ERCC6L2: variants seen among roughly 807,000 people sequenced by gnomAD.
The protein encoded by ERCC6L2 is ERCC excision repair 6 like 2.
In ERCC6L2, 77 loss-of-function variants were observed where a neutral mutation model predicts 132.0. The ratio of observed to expected loss-of-function variants is 0.58; its 90% CI spans 0.49 to 0.71. The LOEUF (loss-of-function observed/expected upper bound fraction) is 0.71, where lower values mean the gene tolerates loss of function less well. Among genes scored for constraint, ERCC6L2 ranks in the 30% least tolerant of loss-of-function variants. ERCC6L2 has a pLI of 0.00. For synonymous variants in ERCC6L2, 583 were observed against 632.4 expected (o/e 0.92, Z 1.17); for missense variants, 1,542 against 1,837.6 (o/e 0.84, Z 2.94).
intron 1 of ERCC6L2, among the ~76,000 whole-genome samples, chr9:95,879,001 G>GT (rs1297489610): frequency 6.6e-6 from 1 of 151,940 alleles, no homozygotes; most frequent in Non-Finnish European, 1.5e-5. Flanking sequence ...ATGATTTATA[G>GT]TCCTTTGGGT....
Position 95,941,480 on chromosome 9 carries a change from T to A in ERCC6L2, c.1778T>A (p.Val593Asp). The A allele has an allele frequency of 3.7e-6, 6 of 1,613,210 alleles. No individual in the cohort carries two copies. Among genetic ancestry groups the A allele is most frequent in the Non-Finnish European group, 5.1e-6 (6 of 1,179,572 alleles). Residue 593 changes from valine (V) to aspartate (D), a missense_variant, in exon 12 of 19, where the codon GTC becomes GAC. This residue lies in a region of ERCC6L2 where 945 missense variants were observed against 1,105.2 expected (regional missense o/e 0.86). Transcript: ENST00000653738. Reference protein sequence around the residue: ...TMAGGLGLNFVGANVVVLFDP... With the variant: ...TMAGGLGLNFDGANVVVLFDP... ...GCTGGTGGACTAGGCCTCAATTTTG[T>A]CGGTGCCAATGTTGTTGTATTATTT...
intron 1 of ERCC6L2, 136 bp downstream of exon 1, chr9:95,876,220 TCCA>T: frequency 1.3e-6 from 1 of 745,652 alleles, no homozygotes; most frequent in South Asian, 2.0e-5. Flanking sequence ...TGTGAACCCC[TCCA>T]GGCCTGGAAC....
At chr9:95,924,997 C>T (rs1294769369) in intron 9 of ERCC6L2, among the ~76,000 whole-genome samples, 2 of 152,186 alleles carry the variant, frequency 1.3e-5, no homozygotes, top group Admixed American at 1.3e-4. Context: ...TGCAGACTTA[C>T]AGGCTTATCA....
At chr9:95,996,065 G>A (rs1161455294) in intron 17 of ERCC6L2, among the ~76,000 whole-genome samples, 5 of 152,218 alleles carry the variant, frequency 3.3e-5, no homozygotes, top group African/African-American at 1.2e-4. Context: ...AAAATAGGCT[G>A]AAAACTAGGC....
intron 17 of ERCC6L2, among the ~76,000 whole-genome samples, chr9:95,985,880 A>C (rs1334533461): frequency 2.6e-5 from 4 of 152,224 alleles, no homozygotes; most frequent in African/African-American, 7.2e-5. Context: ...GATTCTATTT[A>C]TATTCTGTTA....
At chr9:95,896,942 A>T (rs1456497335) in intron 2 of ERCC6L2, among the ~76,000 whole-genome samples, 2 of 152,128 alleles carry the variant, frequency 1.3e-5, no homozygotes, top group African/African-American at 4.8e-5. Context: ...ATACTTCTGT[A>T]TCATTTCTTT....
At chr9:95,966,460 C>A in intron 13 of ERCC6L2, 102 bp from the exon 14 acceptor site, 2 of 1,101,658 alleles carry the variant, frequency 1.8e-6, no homozygotes, top group Non-Finnish European at 2.4e-6. Context: ...GGAGATTCTG[C>A]CTGCTCCAGC....
rs370932051 is a variant in ERCC6L2, at chr9:96,012,273, C to A, written c.3723C>A (p.Asn1241Lys). The change falls in exon 19 of 19, where the codon AAC becomes AAA. Residue 1241 changes from asparagine to lysine, a missense_variant. This residue lies in a region of ERCC6L2 where 442 missense variants were observed against 583.4 expected (regional missense o/e 0.76). Coordinates refer to ENST00000653738, the MANE Select transcript of ERCC6L2 (RefSeq NM_020207.7). ...MASYFNSSSV[N>K]EFAKHITNAT... is the part of the protein sequence containing the mutation. ...CTTATTTTAACTCGTCTTCTGTAAACGAATTTGCTAAACATATAACCAATG... is the reference window on the plus strand; with the variant it reads ...CTTATTTTAACTCGTCTTCTGTAAAAGAATTTGCTAAACATATAACCAATG... The A allele has an allele frequency of 2.3e-6, 3 of 1,306,170 alleles. No homozygotes were observed. The African/African-American group carries it at 4.6e-5, about 20-fold the overall frequency. 80.9% of individuals were successfully genotyped at this position (1,306,170 alleles called of 1,614,324 possible).
At chr9:95,985,095 C>T (rs1833046901) in intron 17 of ERCC6L2, among the ~76,000 whole-genome samples, 1 of 152,196 alleles carries the variant, frequency 6.6e-6, no homozygotes, top group Admixed American at 6.5e-5. Flanking sequence ...CACAAAGCCT[C>T]AGTCTTCAGG....
intron 1 of ERCC6L2, 70 bp downstream of exon 1, chr9:95,876,154 G>A: frequency 6.9e-7 from 1 of 1,449,564 alleles, no homozygotes; most frequent in Non-Finnish European, 9.4e-7. Context: ...GTTCTTGCCG[G>A]TGCCCTTCGG....
chr9:95,919,947 G>A (rs62562967), intron 6 of ERCC6L2, among the ~76,000 whole-genome samples: 14,593 of 152,192 alleles, frequency 0.096, 799 homozygotes, highest in Admixed American at 0.14. Flanking sequence ...GGAACAAGAC[G>A]CAGAAAAAGC....
chr9:95,903,628 T>C (rs1365197281), intron 3 of ERCC6L2, among the ~76,000 whole-genome samples: 1 of 138,786 alleles, frequency 7.2e-6, no homozygotes, highest in African/African-American at 2.5e-5. Context: ...CTTCATATAG[T>C]ACTTAGAAAA....
At chr9:95,955,623 T>TA (rs903714846) in intron 12 of ERCC6L2, among the ~76,000 whole-genome samples, 1 of 151,724 alleles carries the variant, frequency 6.6e-6, no homozygotes, top group African/African-American at 2.4e-5. Flanking sequence ...AAAGCTGCTA[T>TA]AAAAGAAAAA....
chr9:95,889,655 C>T (rs1828057027), intron 2 of ERCC6L2, among the ~76,000 whole-genome samples: 1 of 152,076 alleles, frequency 6.6e-6, no homozygotes, highest in South Asian at 2.1e-4. Context: ...TGCCCCTTTC[C>T]AGTCAATATG....
chr9:95,994,950 A>G (rs1051386766), intron 17 of ERCC6L2, among the ~76,000 whole-genome samples: 1 of 152,102 alleles, frequency 6.6e-6, no homozygotes, highest in Non-Finnish European at 1.5e-5. Flanking sequence ...TACCTCCAAA[A>G]TTACTTTTTG....
At chr9:96,002,595 T>A (rs1002716960) in intron 17 of ERCC6L2, among the ~76,000 whole-genome samples, 1 of 152,058 alleles carries the variant, frequency 6.6e-6, no homozygotes, top group Non-Finnish European at 1.5e-5. Flanking sequence ...CTAGTTTTTG[T>A]ATTTTTTTTT....
intron 17 of ERCC6L2, among the ~76,000 whole-genome samples, chr9:95,996,911 G>A (rs1406075524): frequency 1.3e-5 from 2 of 152,220 alleles, no homozygotes; most frequent in Non-Finnish European, 2.9e-5. Flanking sequence ...CGTAGATCAA[G>A]GAGTAATTTT....
At chr9:96,027,246 C>G (rs1175249280) in intron 19 of ERCC6L2, among the ~76,000 whole-genome samples, 2 of 152,284 alleles carry the variant, frequency 1.3e-5, no homozygotes, top group South Asian at 2.1e-4. Context: ...CTTGCGCCCC[C>G]CTCCCGCCTC....
At chr9:95,919,798 A>G (rs545610223) in intron 6 of ERCC6L2, among the ~76,000 whole-genome samples, 2 of 152,354 alleles carry the variant, frequency 1.3e-5, no homozygotes, top group Admixed American at 1.3e-4. Flanking sequence ...TGAGAGGCAA[A>G]AAAGGTGAAG....
Sources: gnomAD v4.1 joint callset for allele counts (sites outside exome capture counted in the v4.1 genomes callset) on GRCh38, gnomAD v4.1.1 for gene constraint, gnomAD v4.1.1 regional missense constraint, MANE v1.5 for transcripts, NCBI Gene and HGNC (gene_info 2026-07-23, HGNC 2026-07-21) for gene names.